Variants in TAGLN3 observed in about 807,000 individuals in gnomAD.
TAGLN3 encodes transgelin 3, also known as transgelin-3.
A neutral mutation model predicts 25.4 loss-of-function variants in TAGLN3; 12 were observed. The observed-to-expected ratio is 0.47, with a 90% CI of 0.30 to 0.77. The LOEUF (loss-of-function observed/expected upper bound fraction) is 0.77. TAGLN3 is among the 30% of genes least tolerant of loss of function. The pLI is 0.06. For missense variants in TAGLN3, 218 were observed against 255.8 expected (o/e 0.85, Z 1.01); for synonymous variants, 96 against 94.8 (o/e 1.01, Z -0.08).
At chr3:112,007,157 T>C (rs1280435845) in intron 3 of TAGLN3, among the ~76,000 whole-genome samples, 1 of 152,178 alleles carries the variant, frequency 6.6e-6, no homozygotes, top group Non-Finnish European at 1.5e-5. Context: ...ATTTTCCATA[T>C]GCCCTCTCTC....
rs2072979748 is a variant in TAGLN3, at chr3:112,011,824, G to C, written c.417G>C (p.Lys139Asn). The C allele has an allele frequency of 3.1e-6, 5 of 1,613,896 alleles. No individual in the cohort carries two copies. In the Admixed American group the frequency reaches 8.3e-5, roughly 27 times the overall value. ...CTTTAGGCAGCGTTGCAGTCACCAA[G>C]GATGATGGCTGCTATCGGGGAGAGC... is the stretch of plus-strand genomic sequence containing the variant. Reference protein sequence around the residue: ...LMALGSVAVTKDDGCYRGEPS... With the variant: ...LMALGSVAVTNDDGCYRGEPS... The change falls in exon 4 of 5, where the codon AAG becomes AAC. Residue 139 changes from lysine to asparagine, a missense_variant. Physicochemically the swap from Lys to Asn is moderately conservative, Grantham distance 94. Coordinates refer to ENST00000478951, the MANE Select transcript of TAGLN3 (RefSeq NM_001008272.2).
chr3:112,005,197 C>A (rs1010578730), intron 3 of TAGLN3, among the ~76,000 whole-genome samples: 7 of 152,288 alleles, frequency 4.6e-5, no homozygotes, highest in African/African-American at 1.7e-4. Flanking sequence ...TCTAATGCCT[C>A]TCTTTTGTAG....
chr3:111,999,771 A>G (rs2072835034), intron 2 of TAGLN3, among the ~76,000 whole-genome samples, 169 bp downstream of exon 2: 1 of 152,222 alleles, frequency 6.6e-6, no homozygotes, highest in Non-Finnish European at 1.5e-5. Context: ...TTTGGGCTCC[A>G]TGCACTATTC....
chr3:112,001,080 GC>G lies in TAGLN3; in HGVS notation c.355+135del, dbSNP rs370159184. On this transcript the variant is annotated intron_variant, in intron 3 of 4. Transcript: ENST00000478951. ...GATGCTCTCAGCTGTTATCCTGGGG[GC>G]AGTGTTTGCCTTCCCCATTGTTATG... The G allele has an allele frequency of 4.4e-4, 336 of 763,678 alleles. 4 individuals are homozygous for G. The South Asian group carries it at 5.9e-3, about 13-fold the overall frequency. The allele number at this position is 763,678 out of a possible 1,614,324, so 47.3% of individuals were successfully genotyped here.
At chr3:112,009,216 G>C (rs1463973848) in intron 3 of TAGLN3, among the ~76,000 whole-genome samples, 1 of 152,116 alleles carries the variant, frequency 6.6e-6, no homozygotes, top group East Asian at 1.9e-4. Context: ...GATTTGGAGA[G>C]GACAAAACAT....
intron 3 of TAGLN3, among the ~76,000 whole-genome samples, chr3:112,006,523 A>G (rs1292610146): frequency 6.6e-6 from 1 of 152,230 alleles, no homozygotes; most frequent in African/African-American, 2.4e-5. Flanking sequence ...ACTACTGCTT[A>G]CTTTCTCTGT....
Position 112,013,792 on chromosome 3 carries a change from C to T in TAGLN3, c.*241C>T. On this transcript the variant is annotated 3_prime_UTR_variant, in exon 5 of 5. Coordinates refer to ENST00000478951, the MANE Select transcript of TAGLN3 (RefSeq NM_001008272.2). ...CTGAGCTCCTCGGGCCCCAGAGTCT[C>T]TGTTTGATTATTTATTTATTTATTT... The T allele has an allele frequency of 1.8e-6, 1 of 553,780 alleles. No homozygotes were observed. The highest frequency in any genetic ancestry group is 3.2e-6 in the Non-Finnish European group (1 of 312,934). The allele number at this position is 553,780 out of a possible 1,614,324, so 34.3% of individuals were successfully genotyped here.
At chr3:112,010,157 T>C (rs1559943938) in intron 3 of TAGLN3, among the ~76,000 whole-genome samples, 3 of 151,994 alleles carry the variant, frequency 2.0e-5, no homozygotes, top group African/African-American at 7.3e-5. Context: ...GGAGTCTAGT[T>C]CTATAGTTTA....
intron 4 of TAGLN3, among the ~76,000 whole-genome samples, chr3:112,013,176 C>T (rs2072997371): frequency 6.6e-6 from 1 of 152,086 alleles, no homozygotes; most frequent in Non-Finnish European, 1.5e-5. Context: ...CATGGTAGGG[C>T]CACAGCTCAG....
At chr3:112,006,107 G>A (rs2072914614) in intron 3 of TAGLN3, among the ~76,000 whole-genome samples, 1 of 152,102 alleles carries the variant, frequency 6.6e-6, no homozygotes, top group Non-Finnish European at 1.5e-5. Context: ...TTTATTTCAA[G>A]TGGCTGCTGA....
intron 3 of TAGLN3, among the ~76,000 whole-genome samples, chr3:112,003,519 G>A (rs2072885549): frequency 1.3e-5 from 2 of 152,326 alleles, no homozygotes; most frequent in Admixed American, 1.3e-4. Context: ...CACGTGTTAT[G>A]TGTCTATGTG....
Position 112,005,417 on chromosome 3 carries a change from C to A in TAGLN3, c.355+4471C>A, listed in dbSNP as rs7638869. Reference sequence around the variant, plus strand: ...TCACAGATCGATCAGTCTCATGGCTCTTCTTAGTAATTCTACTGGTATGGA... The same window carrying A: ...TCACAGATCGATCAGTCTCATGGCTATTCTTAGTAATTCTACTGGTATGGA... On this transcript the variant is annotated intron_variant, in intron 3 of 4. Coordinates refer to ENST00000478951, the MANE Select transcript of TAGLN3 (RefSeq NM_001008272.2). 5.5e-3 allele frequency among the ~76,000 whole-genome samples: 830 copies of A among 152,282 alleles called. 7 individuals carry two copies. Among genetic ancestry groups the A allele is most frequent in the African/African-American group, 0.018 (765 of 41,542 alleles).
At chr3:112,002,900 C>T (rs989997665) in intron 3 of TAGLN3, among the ~76,000 whole-genome samples, 10 of 152,070 alleles carry the variant, frequency 6.6e-5, no homozygotes, top group Admixed American at 2.0e-4. Flanking sequence ...GCCCCAGACC[C>T]GTGTGTTAGA....
At chr3:112,000,742 A>G in intron 2 of TAGLN3, 30 bp from the exon 3 acceptor site, 2 of 1,604,340 alleles carry the variant, frequency 1.2e-6, no homozygotes, top group African/African-American at 1.3e-5. Context: ...AAAGGGAAAC[A>G]TTGATTCTGT....
chr3:112,001,487 G>A (rs1394881585), intron 3 of TAGLN3, among the ~76,000 whole-genome samples: 1 of 152,154 alleles, frequency 6.6e-6, no homozygotes, highest in Non-Finnish European at 1.5e-5. Flanking sequence ...ACTTGCTGAG[G>A]AAATCTTACA....
At chr3:112,001,914 T>C (rs1344145489) in intron 3 of TAGLN3, among the ~76,000 whole-genome samples, 2 of 152,246 alleles carry the variant, frequency 1.3e-5, no homozygotes, top group African/African-American at 2.4e-5. Context: ...CAGAGGACCA[T>C]TCTACTACTC....
At chr3:112,010,943 C>T (rs761973450) in intron 3 of TAGLN3, among the ~76,000 whole-genome samples, 2 of 152,202 alleles carry the variant, frequency 1.3e-5, no homozygotes, top group African/African-American at 2.4e-5. Context: ...AAACTGCAGA[C>T]GGTTCACCAG....
chr3:112,003,419 G>A (rs9869135), intron 3 of TAGLN3, among the ~76,000 whole-genome samples: 65,118 of 151,888 alleles, frequency 0.43, 14,083 homozygotes, highest in South Asian at 0.5. Context: ...AGCAAGTGAG[G>A]CTGGGGTCCT....
rs77276721 is a variant in TAGLN3, at chr3:112,012,765, T to C, written c.459-645T>C. Among the ~76,000 whole-genome samples the C allele has an allele frequency of 8.5e-3, 1,297 of 152,322 alleles. 30 individuals are homozygous for C. The highest frequency in any genetic ancestry group is 0.029 in the African/African-American group (1,211 of 41,558). On this transcript the variant is annotated intron_variant, in intron 4 of 4. Transcript: ENST00000478951. ...CCATGTGGCTACACAACCACAATTA[T>C]GTACTATCTGGCTCTTTACCAAAGT... is the stretch of plus-strand genomic sequence containing the variant.
Sources: allele counts gnomAD v4.1 joint callset (sites outside exome capture counted in the v4.1 genomes callset), GRCh38; gene constraint gnomAD v4.1.1; transcripts MANE v1.5; gene names NCBI Gene and HGNC (gene_info 2026-07-23, HGNC 2026-07-21).